CSMD1: variants seen among roughly 807,000 people sequenced by gnomAD.
The protein encoded by CSMD1 is CUB and sushi domain-containing protein 1.
In CSMD1, 213 loss-of-function variants were observed where a neutral mutation model predicts 417.5. The ratio of observed to expected loss-of-function variants is 0.51; its 90% CI spans 0.46 to 0.57. The LOEUF (loss-of-function observed/expected upper bound fraction) is 0.57, where lower values mean the gene tolerates loss of function less well. Among genes scored for constraint, CSMD1 ranks in the 20% least tolerant of loss-of-function variants. The pLI is 0.00. For missense variants in CSMD1, 6,923 were observed against 4,529.7 expected (o/e 1.53, Z -15.17); for synonymous variants, 2,862 against 1,736.8 (o/e 1.65, Z -16.11).
chr8:4,920,658 G>C (rs79580432), intron 1 of CSMD1, among the ~76,000 whole-genome samples: 4,257 of 151,624 alleles, frequency 0.028, 81 homozygotes, highest in South Asian at 0.043. Context: ...CCTGTATTTA[G>C]TAAATACCAA....
chr8:3,710,805 A>T (rs900099), intron 6 of CSMD1, among the ~76,000 whole-genome samples: 1 of 151,904 alleles, frequency 6.6e-6, no homozygotes, highest in Admixed American at 6.5e-5. Flanking sequence ...AGGCTCACAG[A>T]TGCACAGGGA....
chr8:4,522,819 G>C (rs1306335002), intron 2 of CSMD1, among the ~76,000 whole-genome samples: 1 of 152,176 alleles, frequency 6.6e-6, no homozygotes, highest in Non-Finnish European at 1.5e-5. Context: ...AGAACAGTAA[G>C]AATAGCACAC....
intron 1 of CSMD1, among the ~76,000 whole-genome samples, chr8:4,862,317 A>T (rs761021619): frequency 2.6e-5 from 4 of 152,086 alleles, no homozygotes; most frequent in Non-Finnish European, 4.4e-5. Context: ...GAACCTTATG[A>T]ATGAGATGGA....
At chr8:4,103,929 G>A (rs1296652724) in intron 3 of CSMD1, among the ~76,000 whole-genome samples, 1 of 152,188 alleles carries the variant, frequency 6.6e-6, no homozygotes, top group Non-Finnish European at 1.5e-5. Flanking sequence ...TTGTGCCTGT[G>A]TTGCAACATT....
chr8:3,960,002 C>A (rs964842052), intron 5 of CSMD1, among the ~76,000 whole-genome samples: 4 of 152,102 alleles, frequency 2.6e-5, no homozygotes, highest in Non-Finnish European at 2.9e-5. Context: ...ACAGTATGTG[C>A]GTGAAGCTAT....
chr8:3,556,392 A>AATATATATATATATATAT lies in CSMD1; in HGVS notation c.1344+18535_1344+18552dup, dbSNP rs367650533. Among the ~76,000 whole-genome samples, 547 of 120,338 alleles carry AATATATATATATATATAT rather than the reference A, an allele frequency of 4.5e-3. 8 individuals are homozygous for AATATATATATATATATAT. Among genetic ancestry groups the AATATATATATATATATAT allele is most frequent in the African/African-American group, 9.6e-3 (290 of 30,362 alleles). The allele number at this position is 120,338 out of a possible 152,430, so 78.9% of individuals were successfully genotyped here. A position where few individuals can be genotyped will look rare whatever the true frequency, so the allele number is the denominator to read the frequency against. On this transcript the variant is annotated intron_variant, in intron 10 of 69. Coordinates refer to ENST00000635120, the MANE Select transcript of CSMD1 (RefSeq NM_033225.6). ...AAGATTTTTAAAATTTATAATAATT[A>AATATATATATATATATAT]ATATATATATATATATATATATTCA...
Position 4,870,637 on chromosome 8 carries a change from C to T in CSMD1, c.85+123695G>A, listed in dbSNP as rs73503875. Among the ~76,000 whole-genome samples the T allele has an allele frequency of 3.0e-3, 460 of 152,152 alleles. 3 individuals are homozygous for T. The highest frequency in any genetic ancestry group is 0.011 in the African/African-American group (441 of 41,458). ...TTTATTAGGAGGTAAAATCCCAGCG[C>T]ACCACGAGTGAGGGAATGGAGAAAC... On this transcript the variant is annotated intron_variant, in intron 1 of 69. Coordinates refer to ENST00000635120, the MANE Select transcript of CSMD1 (RefSeq NM_033225.6).
chr8:4,023,989 A>T lies in CSMD1; in HGVS notation c.610+7916T>A, dbSNP rs565334250. On this transcript the variant is annotated intron_variant, in intron 4 of 69. Transcript: ENST00000635120. ...CTTCATTATTATTATTTAATTAAATATAAAGGCTGACATATTTGACACTGC... is the reference window on the plus strand; with the variant it reads ...CTTCATTATTATTATTTAATTAAATTTAAAGGCTGACATATTTGACACTGC... Among the ~76,000 whole-genome samples, 4 of 152,190 alleles carry T rather than the reference A, an allele frequency of 2.6e-5. No homozygotes were observed. The South Asian group carries it at 8.3e-4, about 32-fold the overall frequency.
intron 3 of CSMD1, among the ~76,000 whole-genome samples, chr8:4,415,222 C>G (rs1171351368): frequency 6.6e-6 from 1 of 152,166 alleles, no homozygotes; most frequent in Non-Finnish European, 1.5e-5. Context: ...CCTCCGCTCC[C>G]CACTGAACTC....
chr8:3,070,396 A>C (rs1044964096), intron 49 of CSMD1, among the ~76,000 whole-genome samples: 1 of 152,190 alleles, frequency 6.6e-6, no homozygotes, highest in Admixed American at 6.5e-5. Context: ...TTTCAACTTT[A>C]AGTCATTTAT....
chr8:4,807,667 C>T (rs1798669194), intron 1 of CSMD1, among the ~76,000 whole-genome samples: 1 of 152,170 alleles, frequency 6.6e-6, no homozygotes, highest in African/African-American at 2.4e-5. Flanking sequence ...TGCACACGTA[C>T]ATACATGTGT....
chr8:4,148,670 C>T (rs9650482), intron 3 of CSMD1, among the ~76,000 whole-genome samples: 26,659 of 152,012 alleles, frequency 0.18, 2,600 homozygotes, highest in East Asian at 0.3. Flanking sequence ...GAGGAGCGTG[C>T]CCTCGTGTCT....
chr8:3,633,591 A>T (rs1409628451), intron 7 of CSMD1, among the ~76,000 whole-genome samples: 1 of 152,264 alleles, frequency 6.6e-6, no homozygotes, highest in Non-Finnish European at 1.5e-5. Flanking sequence ...TTAAATTTTC[A>T]TCTTAATTTG....
intron 4 of CSMD1, among the ~76,000 whole-genome samples, chr8:4,023,747 C>A (rs188614822): frequency 1.4e-5 from 2 of 139,046 alleles, no homozygotes; most frequent in East Asian, 2.1e-4. Context: ...CCGCTACGCT[C>A]GGCTAATTTT....
chr8:3,959,833 G>T (rs531216442), intron 5 of CSMD1, among the ~76,000 whole-genome samples: 1 of 152,332 alleles, frequency 6.6e-6, no homozygotes, highest in African/African-American at 2.4e-5. Context: ...TACACCAAGT[G>T]ATGTAGAGAA....
At chr8:4,007,985 G>A (rs948022423) in intron 4 of CSMD1, among the ~76,000 whole-genome samples, 5 of 152,108 alleles carry the variant, frequency 3.3e-5, no homozygotes, top group African/African-American at 9.7e-5. Flanking sequence ...CAAAAAGAAC[G>A]ATTCATAATT....
rs1797515055 is a variant in CSMD1, at chr8:3,754,012, A to G, written c.849T>C (p.Val283=). 6.2e-7 allele frequency: 1 copy of G among 1,613,050 alleles called. No individual in the cohort carries two copies. Reference sequence around the variant, plus strand: ...GTCGTAGCCAATTCTTGCTACTGATAACTGGAGAGGGGAGGTTCATGCCAG... The same window carrying G: ...GTCGTAGCCAATTCTTGCTACTGATGACTGGAGAGGGGAGGTTCATGCCAG... ...WLTGMNLPSP[V]ISSKNWLRLH... The change falls in exon 6 of 70, where the codon GTT becomes GTC. Residue 283 remains valine, a synonymous_variant. Coordinates refer to ENST00000635120, the MANE Select transcript of CSMD1 (RefSeq NM_033225.6).
intron 3 of CSMD1, among the ~76,000 whole-genome samples, chr8:4,206,228 G>A (rs1232107362): frequency 6.6e-6 from 1 of 152,088 alleles, no homozygotes; most frequent in African/African-American, 2.4e-5. Flanking sequence ...AAGTTCTAGA[G>A]TACATGTGCA....
rs532213367 is a variant in CSMD1 at position 4,689,470 on chromosome 8, G to GA, written c.86-51913dup. Among the ~76,000 whole-genome samples the GA allele has an allele frequency of 2.8e-3, 419 of 151,984 alleles. 3 individuals carry two copies. The highest frequency in any genetic ancestry group is 9.7e-3 in the African/African-American group (401 of 41,484). ...CATTTATATTAGAAGGATTTGTGGGGAAAAAAGGGTTTTCTTTATGACGTA... is the reference window on the plus strand; with the variant it reads ...CATTTATATTAGAAGGATTTGTGGGGAAAAAAAGGGTTTTCTTTATGACGTA... On this transcript the variant is annotated intron_variant, in intron 1 of 69. Coordinates refer to ENST00000635120, the MANE Select transcript of CSMD1 (RefSeq NM_033225.6).
Sources: gnomAD v4.1 joint callset for allele counts (sites outside exome capture counted in the v4.1 genomes callset) on GRCh38, gnomAD v4.1.1 for gene constraint, MANE v1.5 for transcripts, NCBI Gene and HGNC (gene_info 2026-07-23, HGNC 2026-07-21) for gene names.